The following CLSTN2 variants were observed in gnomAD, a reference collection of about 807,000 sequenced individuals.
The protein encoded by CLSTN2 is calsyntenin-2.
CLSTN2 carries 48 observed loss-of-function variants against 101.2 expected under a neutral mutation model. The ratio of observed to expected loss-of-function variants is 0.47; its 90% CI spans 0.38 to 0.60. The LOEUF (loss-of-function observed/expected upper bound fraction) is 0.60. CLSTN2 is among the 20% of genes least tolerant of loss of function. The probability of loss-of-function intolerance (pLI) is 0.00; values close to 1 mark genes in which losing one functional copy is unlikely to be tolerated. For synonymous variants in CLSTN2, 481 were observed against 463.6 expected (o/e 1.04, Z -0.48); for missense variants, 1,160 against 1,238.2 (o/e 0.94, Z 0.95).
At position 140,419,712 on chromosome 3, in the gene CLSTN2, T is replaced by C. The variant is rs143161720; in HGVS notation, c.638-1413T>C. Among the ~76,000 whole-genome samples the C allele has an allele frequency of 4.9e-3, 320 of 64,784 alleles. 88 individuals carry two copies. The South Asian group carries it at 0.11, about 22-fold the overall frequency. 42.5% of individuals were successfully genotyped at this position (64,784 alleles called of 152,430 possible). ...ATATACGTATATGAATATGTATATA[T>C]GTATATATACGTATATACATGTATA... On this transcript the variant is annotated intron_variant, in intron 4 of 16. Transcript: ENST00000458420.
chr3:140,393,729 T>C lies in CLSTN2; in HGVS notation c.233-9900T>C, dbSNP rs190042390. On this transcript the variant is annotated intron_variant, in intron 2 of 16. Coordinates refer to ENST00000458420, the MANE Select transcript of CLSTN2 (RefSeq NM_022131.3). ...TGACTAATGTATCACCTGAGAGCTG[T>C]GGGCAAATGAGATCCCTTCCTTGTT... 1.2e-4 allele frequency among the ~76,000 whole-genome samples: 19 copies of C among 152,318 alleles called. 1 individual carries two copies. Among genetic ancestry groups the C allele is most frequent in the Admixed American group, 4.6e-4 (7 of 15,300 alleles).
At chr3:140,318,312 G>A (rs141932002) in intron 2 of CLSTN2, among the ~76,000 whole-genome samples, 7 of 152,252 alleles carry the variant, frequency 4.6e-5, no homozygotes, top group East Asian at 3.9e-4. Flanking sequence ...GGAGGGGCTC[G>A]GAAATATAAG....
chr3:139,968,369 T>G (rs2107817765), intron 1 of CLSTN2, among the ~76,000 whole-genome samples: 1 of 152,338 alleles, frequency 6.6e-6, no homozygotes, highest in Admixed American at 6.5e-5. Context: ...TGAAGACCCC[T>G]GTCATAAACA....
At chr3:140,499,861 G>A (rs975328761) in intron 8 of CLSTN2, among the ~76,000 whole-genome samples, 1 of 152,068 alleles carries the variant, frequency 6.6e-6, no homozygotes, top group Non-Finnish European at 1.5e-5. Flanking sequence ...TCAGGAGATC[G>A]AGACCATCCT....
intron 1 of CLSTN2, among the ~76,000 whole-genome samples, chr3:140,054,423 G>A (rs1437555909): frequency 6.6e-6 from 1 of 151,812 alleles, no homozygotes; most frequent in African/African-American, 2.4e-5. Context: ...GCAGATATCT[G>A]TGAAAAAAAA....
At position 140,255,561 on chromosome 3, in the gene CLSTN2, C is replaced by T. The variant is rs6773450; in HGVS notation, c.232+79488C>T. On this transcript the variant is annotated intron_variant, in intron 2 of 16. Coordinates refer to ENST00000458420, the MANE Select transcript of CLSTN2 (RefSeq NM_022131.3). The stretch of plus-strand genomic sequence containing the variant: ...AAGTGGGAGCTAAGTATTGAGTACA[C>T]GTAGACACAAAGAAGGCAGCAATAG... Among the ~76,000 whole-genome samples the T allele has an allele frequency of 7.3e-3, 1,115 of 152,132 alleles. 4 individuals carry two copies. The highest frequency in any genetic ancestry group is 0.011 in the Non-Finnish European group (742 of 67,992).
intron 12 of CLSTN2, among the ~76,000 whole-genome samples, chr3:140,559,151 T>A (rs1368738203): frequency 6.7e-6 from 1 of 148,996 alleles, no homozygotes; most frequent in African/African-American, 2.5e-5. Context: ...CATAGAATGA[T>A]CTCAACCATT....
At chr3:140,533,552 T>C (rs376961504) in intron 9 of CLSTN2, among the ~76,000 whole-genome samples, 5,517 of 141,242 alleles carry the variant, frequency 0.039, 326 homozygotes, top group African/African-American at 0.14. Flanking sequence ...TACTAAAAAA[T>C]ACAAAAAAAT....
intron 8 of CLSTN2, among the ~76,000 whole-genome samples, chr3:140,480,214 C>A (rs1270027209): frequency 2.0e-5 from 3 of 151,782 alleles, no homozygotes; most frequent in Admixed American, 6.6e-5. Context: ...TTTCTCCTTG[C>A]GATAGTTTGC....
At chr3:140,466,022 A>G (rs1294501668) in intron 7 of CLSTN2, among the ~76,000 whole-genome samples, 1 of 152,196 alleles carries the variant, frequency 6.6e-6, no homozygotes, top group African/African-American at 2.4e-5. Context: ...TTGCCTGTGT[A>G]TGGGGAGGGG....
intron 2 of CLSTN2, among the ~76,000 whole-genome samples, chr3:140,297,418 C>G (rs2087014422): frequency 6.6e-6 from 1 of 152,176 alleles, no homozygotes; most frequent in Non-Finnish European, 1.5e-5. Context: ...ACTACATCTT[C>G]CCTTTCACTA....
chr3:140,331,742 T>A (rs1011040720), intron 2 of CLSTN2, among the ~76,000 whole-genome samples: 1 of 152,168 alleles, frequency 6.6e-6, no homozygotes, highest in Non-Finnish European at 1.5e-5. Context: ...CTCTTCCACA[T>A]CCCCTGTGAC....
At position 139,935,441 on chromosome 3, in the gene CLSTN2, G is replaced by A. The variant is rs1476195180; in HGVS notation, c.67G>A (p.Gly23Ser). Residue 23 changes from glycine to serine, a missense_variant, in exon 1 of 17, where the codon GGT becomes AGT. Physicochemically the swap from Gly to Ser is moderately conservative, Grantham distance 56. Transcript: ENST00000458420. The surrounding 1 kb of genome is among the most constrained non-coding windows in gnomAD (Gnocchi z 5.5). ...GCTGGGCGTGGGGAGCGGCAGCGGCGGTGGCGGGGACAGCCGGCAGCGCCG... is the reference window on the plus strand; with the variant it reads ...GCTGGGCGTGGGGAGCGGCAGCGGCAGTGGCGGGGACAGCCGGCAGCGCCG... Reference protein sequence around the residue: ...LALGVGSGSGGGGDSRQRRLL... With the variant: ...LALGVGSGSGSGGDSRQRRLL... 7.3e-6 allele frequency: 9 copies of A among 1,231,738 alleles called. No homozygotes were observed. In the East Asian group the frequency reaches 2.5e-4, roughly 35 times the overall value. 76.3% of individuals were successfully genotyped at this position (1,231,738 alleles called of 1,614,324 possible).
chr3:140,204,209 G>T (rs2010752941), intron 2 of CLSTN2, among the ~76,000 whole-genome samples: 1 of 152,156 alleles, frequency 6.6e-6, no homozygotes, highest in African/African-American at 2.4e-5. Flanking sequence ...CATGTGGAAG[G>T]TGTTCATAAG....
intron 2 of CLSTN2, among the ~76,000 whole-genome samples, chr3:140,281,979 T>C (rs2086851874): frequency 6.6e-6 from 1 of 152,032 alleles, no homozygotes; most frequent in Non-Finnish European, 1.5e-5. Flanking sequence ...CCCAATGAAA[T>C]AAAATGTAAT....
intron 1 of CLSTN2, among the ~76,000 whole-genome samples, chr3:139,984,841 TA>T (rs1365546187): frequency 6.6e-6 from 1 of 152,198 alleles, no homozygotes; most frequent in Admixed American, 6.5e-5. Flanking sequence ...ACTTGGATCC[TA>T]ACTGAATATC....
intron 1 of CLSTN2, among the ~76,000 whole-genome samples, chr3:140,127,710 A>G (rs2009458022): frequency 1.3e-5 from 2 of 152,156 alleles, no homozygotes; most frequent in African/African-American, 4.8e-5. Flanking sequence ...CAAAGGCTTC[A>G]GGAGTATAGG....
At chr3:140,359,728 A>T (rs535926348) in intron 2 of CLSTN2, among the ~76,000 whole-genome samples, 1 of 152,150 alleles carries the variant, frequency 6.6e-6, no homozygotes, top group Non-Finnish European at 1.5e-5. Context: ...TTAAAGGAAG[A>T]TAATAATATC....
At chr3:140,006,097 G>T (rs990694312) in intron 1 of CLSTN2, among the ~76,000 whole-genome samples, 5 of 152,158 alleles carry the variant, frequency 3.3e-5, no homozygotes, top group Non-Finnish European at 7.3e-5. Flanking sequence ...CTTGGAAAAA[G>T]AGCTTCCAGT....
Sources: allele counts gnomAD v4.1 joint callset (sites outside exome capture counted in the v4.1 genomes callset), GRCh38; gene constraint gnomAD v4.1.1; non-coding constraint Gnocchi (gnomAD v3.1); transcripts MANE v1.5; gene names NCBI Gene and HGNC (gene_info 2026-07-23, HGNC 2026-07-21).